SGK3: variants seen among roughly 807,000 people sequenced by gnomAD.
SGK3 encodes the protein serum/glucocorticoid regulated kinase family member 3, also known as serine/threonine-protein kinase Sgk3.
Under a neutral mutation model 68.5 loss-of-function variants are expected in SGK3, and 47 were observed. The observed-to-expected ratio is 0.69, with a 90% confidence interval of 0.54 to 0.87. The LOEUF (loss-of-function observed/expected upper bound fraction) is 0.87, where lower values mean the gene tolerates loss of function less well. Among genes scored for constraint, SGK3 ranks in the 40% least tolerant of loss-of-function variants. SGK3 has a pLI of 0.00. For missense variants in SGK3, 479 were observed against 575.5 expected, an observed-to-expected ratio of 0.83 and a Z score of 1.72; for synonymous variants, 181 against 189.1, an observed-to-expected ratio of 0.96 and a Z score of 0.35.
rs551194844 is a variant in SGK3, at chr8:66,713,896, G to A, written c.-122+1063G>A. Reference sequence around the variant, plus strand: ...TCTGGTCCCCTTGGCTACCACTTCTGTAAGACAAGCCACCACCCCAGCATT... The same window carrying A: ...TCTGGTCCCCTTGGCTACCACTTCTATAAGACAAGCCACCACCCCAGCATT... On this transcript the variant is annotated intron_variant, in intron 1 of 16. Transcript: ENST00000521198. Among the ~76,000 whole-genome samples the A allele has an allele frequency of 4.6e-5, 7 of 152,268 alleles. No homozygotes were observed. The South Asian group carries it at 1.5e-3, about 32-fold the overall frequency.
rs189151500 is a variant in SGK3, at chr8:66,768,375, G to A, written c.-121-25241G>A. 2.1e-3 allele frequency among the ~76,000 whole-genome samples: 312 copies of A among 149,414 alleles called. 1 individual carries two copies. Among genetic ancestry groups the A allele is most frequent in the African/African-American group, 6.0e-3 (245 of 40,912 alleles). ...TTTTCTATGTCTGAAGGGCTTCCTTGAATGTTTCTTGTTGTATGAGTCTAC... is the reference window on the plus strand; with the variant it reads ...TTTTCTATGTCTGAAGGGCTTCCTTAAATGTTTCTTGTTGTATGAGTCTAC... On this transcript the variant is annotated intron_variant, in intron 1 of 16. Transcript: ENST00000521198.
At chr8:66,808,074 AT>A (rs1311925023) in intron 4 of SGK3, among the ~76,000 whole-genome samples, 1 of 152,210 alleles carries the variant, frequency 6.6e-6, no homozygotes, top group African/African-American at 2.4e-5. Context: ...TAATGGAAGA[AT>A]AAATAAAAAA....
At chr8:66,826,845 A>G (rs1032598442) in intron 6 of SGK3, among the ~76,000 whole-genome samples, 1 of 151,764 alleles carries the variant, frequency 6.6e-6, no homozygotes, top group African/African-American at 2.4e-5. Flanking sequence ...GGGTTTCACC[A>G]TGTTGGCCAG....
intron 1 of SGK3, among the ~76,000 whole-genome samples, chr8:66,764,510 G>T (rs551049036): frequency 7.9e-5 from 12 of 152,136 alleles, no homozygotes; most frequent in Admixed American, 7.2e-4. Flanking sequence ...CACTCCAGTT[G>T]CCCAGGCTGG....
chr8:66,842,837 A>G (rs762373944), intron 13 of SGK3, among the ~76,000 whole-genome samples: 3 of 152,072 alleles, frequency 2.0e-5, no homozygotes, highest in Admixed American at 6.6e-5. Flanking sequence ...GGGAGACCAA[A>G]GTGGGCAGAT....
At chr8:66,808,163 G>T (rs192922122) in intron 4 of SGK3, among the ~76,000 whole-genome samples, 11 of 152,150 alleles carry the variant, frequency 7.2e-5, no homozygotes, top group Non-Finnish European at 1.6e-4. Context: ...GCCCTTGAAT[G>T]AATTTTGTTC....
rs1168038766 is a variant in SGK3 at position 66,723,090 on chromosome 8, CATATAT to C, written c.-122+10294_-122+10299del. On this transcript the variant is annotated intron_variant, in intron 1 of 16. Transcript: ENST00000521198. ...AAACATTCAGAAGTAAGATTTTGTT[CATATAT>C]ATATATATATATATATATATATATA... Among the ~76,000 whole-genome samples, 105 of 21,244 alleles carry C rather than the reference CATATAT, an allele frequency of 4.9e-3. 1 individual carries two copies. The highest frequency in any genetic ancestry group is 0.021 in the East Asian group (14 of 680). The allele number at this position is 21,244 out of a possible 152,430, so 13.9% of individuals were successfully genotyped here. A position where few individuals can be genotyped will look rare whatever the true frequency, so the allele number is the denominator to read the frequency against.
intron 1 of SGK3, among the ~76,000 whole-genome samples, chr8:66,715,620 T>A (rs1804610903): frequency 6.6e-6 from 1 of 152,232 alleles, no homozygotes; most frequent in South Asian, 2.1e-4. Flanking sequence ...TCATAGGTAT[T>A]GTAAATATTT....
At chr8:66,844,364 A>T (rs1809922756) in intron 14 of SGK3, among the ~76,000 whole-genome samples, 3 of 152,124 alleles carry the variant, frequency 2.0e-5, no homozygotes, top group Non-Finnish European at 1.5e-5. Flanking sequence ...TGTCTTAAAA[A>T]TTTTCTTGAA....
At chr8:66,726,287 G>A (rs1652287138) in intron 1 of SGK3, among the ~76,000 whole-genome samples, 1 of 152,142 alleles carries the variant, frequency 6.6e-6, no homozygotes, top group African/African-American at 2.4e-5. Flanking sequence ...AGTCACTTGA[G>A]CATAGTGAGG....
At chr8:66,782,876 C>A (rs112599777) in intron 1 of SGK3, among the ~76,000 whole-genome samples, 2,885 of 152,218 alleles carry the variant, frequency 0.019, 64 homozygotes, top group South Asian at 0.045. Context: ...AATCTATTCA[C>A]CTATAGTAGG....
intron 16 of SGK3, among the ~76,000 whole-genome samples, chr8:66,857,342 C>G (rs193087097): frequency 6.6e-6 from 1 of 152,262 alleles, no homozygotes; most frequent in African/African-American, 2.4e-5. Flanking sequence ...AATATCCACT[C>G]TGAATTTCTA....
intron 6 of SGK3, among the ~76,000 whole-genome samples, chr8:66,826,669 C>G (rs147189083): frequency 1.4e-5 from 2 of 145,154 alleles, no homozygotes; most frequent in African/African-American, 5.7e-5. Context: ...TATTTTGAGA[C>G]AGTCTCATTT....
intron 1 of SGK3, among the ~76,000 whole-genome samples, chr8:66,756,438 C>T (rs1013416525): frequency 6.6e-6 from 1 of 152,102 alleles, no homozygotes; most frequent in African/African-American, 2.4e-5. Context: ...CAAGGACTCA[C>T]TCCATCTATG....
intron 8 of SGK3, among the ~76,000 whole-genome samples, chr8:66,831,841 C>T (rs1809312182): frequency 6.6e-6 from 1 of 151,936 alleles, no homozygotes; most frequent in South Asian, 2.1e-4. Flanking sequence ...GTTTGTTGAA[C>T]ACCTACTGTG....
At chr8:66,843,150 C>G (rs578222894) in intron 13 of SGK3, among the ~76,000 whole-genome samples, 1 of 152,258 alleles carries the variant, frequency 6.6e-6, no homozygotes, top group African/African-American at 2.4e-5. Context: ...GAAAGACTTT[C>G]CCCACAAATA....
At chr8:66,777,129 G>C (rs992293672) in intron 1 of SGK3, among the ~76,000 whole-genome samples, 10 of 152,160 alleles carry the variant, frequency 6.6e-5, no homozygotes, top group African/African-American at 2.4e-4. Flanking sequence ...AAATTATTTT[G>C]AGCTACTGTT....
At chr8:66,740,919 A>AG in intron 1 of SGK3, among the ~76,000 whole-genome samples, 1 of 151,280 alleles carries the variant, frequency 6.6e-6, no homozygotes, top group East Asian at 1.9e-4. Flanking sequence ...AAAAAAAAAA[A>AG]AAAAAAAAAA....
At chr8:66,736,516 G>A (rs530271331) in intron 1 of SGK3, among the ~76,000 whole-genome samples, 17 of 152,016 alleles carry the variant, frequency 1.1e-4, no homozygotes, top group African/African-American at 3.9e-4. Context: ...GGAGTACAGC[G>A]TTGCCATCAT....
Sources: allele counts gnomAD v4.1 joint callset (sites outside exome capture counted in the v4.1 genomes callset), GRCh38; gene constraint gnomAD v4.1.1; transcripts MANE v1.5; gene names NCBI Gene and HGNC (gene_info 2026-07-23, HGNC 2026-07-21).